MBD5: variants seen among roughly 807,000 people sequenced by gnomAD.
MBD5 encodes methyl-CpG binding domain protein 5, also known as methyl-CpG-binding domain protein 5.
Under a neutral mutation model 117.3 loss-of-function variants are expected in MBD5, and 13 were observed. The observed-to-expected ratio is 0.11, with a 90% CI of 0.07 to 0.18. The LOEUF (loss-of-function observed/expected upper bound fraction) is 0.18. MBD5 is among the 10% of genes least tolerant of loss of function. The pLI, the probability that MBD5 is intolerant of heterozygous loss-of-function variation, is 1.00. For synonymous variants in MBD5, 727 were observed against 766.4 expected (o/e 0.95, Z 0.85); for missense variants, 1,879 against 2,093.8 (o/e 0.90, Z 2.00).
At chr2:148,498,654 T>C (rs917151942) in intron 11 of MBD5, among the ~76,000 whole-genome samples, 2 of 152,204 alleles carry the variant, frequency 1.3e-5, no homozygotes, top group Non-Finnish European at 1.5e-5. Flanking sequence ...GTTCTTCAAA[T>C]ATGTATTATA....
intron 4 of MBD5, among the ~76,000 whole-genome samples, chr2:148,386,458 C>G (rs1004160961): frequency 1.3e-5 from 2 of 152,030 alleles, no homozygotes; most frequent in African/African-American, 4.8e-5. Context: ...GTGGCTCACG[C>G]CTGTAATCCC....
chr2:148,099,269 T>C (rs1696145833), intron 1 of MBD5, among the ~76,000 whole-genome samples: 1 of 152,202 alleles, frequency 6.6e-6, no homozygotes, highest in African/African-American at 2.4e-5. Flanking sequence ...TTAGAGAAAG[T>C]AATCTTGGAA....
At chr2:148,511,397 G>A (rs1682209978) in intron 13 of MBD5, among the ~76,000 whole-genome samples, 1 of 152,196 alleles carries the variant, frequency 6.6e-6, no homozygotes, top group African/African-American at 2.4e-5. Flanking sequence ...CGGGACATTT[G>A]GTCCTGGTGG....
At chr2:148,065,689 A>G (rs556607094) in intron 1 of MBD5, among the ~76,000 whole-genome samples, 1 of 152,328 alleles carries the variant, frequency 6.6e-6, no homozygotes. Flanking sequence ...GATGACATGG[A>G]AAGTAGGGAA....
At chr2:148,142,312 A>G (rs1697339103) in intron 1 of MBD5, among the ~76,000 whole-genome samples, 1 of 152,248 alleles carries the variant, frequency 6.6e-6, no homozygotes, top group Non-Finnish European at 1.5e-5. Context: ...ACAAAATTTC[A>G]TCATAATGGA....
intron 1 of MBD5, among the ~76,000 whole-genome samples, chr2:148,148,008 C>G (rs1253772666): frequency 2.0e-5 from 3 of 152,172 alleles, no homozygotes; most frequent in Admixed American, 6.6e-5. Flanking sequence ...ACATTTTACT[C>G]TCCAATTTTT....
intron 4 of MBD5, among the ~76,000 whole-genome samples, chr2:148,392,273 CT>C (rs772548079): frequency 1.1e-3 from 160 of 152,260 alleles, no homozygotes; most frequent in Non-Finnish European, 2.1e-3. Context: ...TTTTGATTGG[CT>C]TTTATTAGCA....
intron 11 of MBD5, among the ~76,000 whole-genome samples, chr2:148,498,910 T>A (rs1250982363): frequency 6.6e-6 from 1 of 152,232 alleles, no homozygotes; most frequent in Non-Finnish European, 1.5e-5. Context: ...ATGAATATGT[T>A]TCTATCCGCA....
In MBD5 at chr2:148,516,709, G is replaced by A. The variant is rs1336228647; in HGVS notation, c.*3768G>A. The A allele has an allele frequency of 2.0e-5, 3 of 152,128 alleles. No homozygotes were observed. The highest frequency in any genetic ancestry group is 6.5e-5 in the Admixed American group (1 of 15,272). 9.4% of individuals were successfully genotyped at this position (152,128 alleles called of 1,614,324 possible). On this transcript the variant is annotated 3_prime_UTR_variant, in exon 14 of 14. Transcript: ENST00000642680. ...CTGATATAGAAAAAATATATAAAAA[G>A]CATTATCTTCAAATATGAAAGATTA...
intron 2 of MBD5, among the ~76,000 whole-genome samples, chr2:148,197,813 T>G (rs867238246): frequency 0.03 from 3,470 of 115,068 alleles, 97 homozygotes; most frequent in African/African-American, 0.075. Flanking sequence ...TTTGTTTTTT[T>G]TTTTGTTTTT....
intron 4 of MBD5, among the ~76,000 whole-genome samples, chr2:148,438,051 A>G (rs1345565216): frequency 6.6e-6 from 1 of 152,248 alleles, no homozygotes; most frequent in Non-Finnish European, 1.5e-5. Context: ...AACTTGTGAT[A>G]ATGTACTTTC....
intron 2 of MBD5, among the ~76,000 whole-genome samples, chr2:148,217,873 C>G (rs1574149358): frequency 6.6e-6 from 1 of 152,106 alleles, no homozygotes; most frequent in Admixed American, 6.6e-5. Flanking sequence ...CATTACCCTT[C>G]TTTTCAAGGG....
intron 8 of MBD5, among the ~76,000 whole-genome samples, chr2:148,474,145 T>C (rs889931472): frequency 6.6e-6 from 1 of 152,174 alleles, no homozygotes; most frequent in African/African-American, 2.4e-5. Context: ...CATTTCAGCA[T>C]GTGAGTAGCT....
At chr2:148,478,626 T>A (rs1347874522) in intron 8 of MBD5, among the ~76,000 whole-genome samples, 1 of 152,170 alleles carries the variant, frequency 6.6e-6, no homozygotes, top group Non-Finnish European at 1.5e-5. Context: ...TGGACTAGAC[T>A]GTCTTAATCT....
intron 4 of MBD5, among the ~76,000 whole-genome samples, chr2:148,397,108 C>G (rs1704740829): frequency 6.6e-6 from 1 of 152,150 alleles, no homozygotes; most frequent in South Asian, 2.1e-4. Flanking sequence ...CCTTTTCTCT[C>G]TTTTCACTCT....
intron 3 of MBD5, among the ~76,000 whole-genome samples, chr2:148,281,550 G>A (rs185001480): frequency 2.6e-5 from 4 of 151,484 alleles, no homozygotes; most frequent in East Asian, 3.9e-4. Flanking sequence ...CTGATTGCTC[G>A]TAAATATATT....
chr2:148,430,976 T>C (rs1056208550), intron 4 of MBD5, among the ~76,000 whole-genome samples: 1 of 152,172 alleles, frequency 6.6e-6, no homozygotes, highest in Admixed American at 6.6e-5. Flanking sequence ...AAATTTATAC[T>C]GGCTTTTTAT....
At chr2:148,352,458 T>A (rs1473570949) in intron 4 of MBD5, among the ~76,000 whole-genome samples, 6 of 152,180 alleles carry the variant, frequency 3.9e-5, no homozygotes, top group East Asian at 3.9e-4. Context: ...ACAGCCAAGA[T>A]AAAGAACATT....
rs16828306 is a variant in MBD5, at chr2:148,137,329, A to G, written c.-924-41371A>G. 9.3e-3 allele frequency among the ~76,000 whole-genome samples: 1,412 copies of G among 152,142 alleles called. 15 individuals are homozygous for G. The highest frequency in any genetic ancestry group is 0.032 in the African/African-American group (1,312 of 41,506). On this transcript the variant is annotated intron_variant, in intron 1 of 13. Transcript: ENST00000642680. ...TCTGTCATCACTGACCACTATTTCTATTTTATCCTGAGCTCCATCCAAACT... is the reference window on the plus strand; with the variant it reads ...TCTGTCATCACTGACCACTATTTCTGTTTTATCCTGAGCTCCATCCAAACT...
Sources: gnomAD v4.1 joint callset for allele counts (sites outside exome capture counted in the v4.1 genomes callset) on GRCh38, gnomAD v4.1.1 for gene constraint, MANE v1.5 for transcripts, NCBI Gene and HGNC (gene_info 2026-07-23, HGNC 2026-07-21) for gene names.